The following PDE4D variants were observed in gnomAD, a reference collection of about 807,000 sequenced individuals.
PDE4D encodes the protein phosphodiesterase 4D, also known as 3',5'-cyclic-AMP phosphodiesterase 4D.
Under a neutral mutation model 87.4 loss-of-function variants are expected in PDE4D, and 24 were observed. The observed-to-expected ratio is 0.27, with a 90% CI of 0.20 to 0.39. PDE4D has a LOEUF of 0.39. Among genes scored for constraint, PDE4D ranks in the 10% least tolerant of loss-of-function variants. PDE4D has a pLI of 1.00. For missense variants in PDE4D, 714 were observed against 1,041.0 expected (o/e 0.69, Z 4.32); for synonymous variants, 384 against 383.2 (o/e 1.00, Z -0.02).
chr5:59,727,166 C>A (rs1756721719), intron 1 of PDE4D, among the ~76,000 whole-genome samples: 1 of 152,096 alleles, frequency 6.6e-6, no homozygotes, highest in Admixed American at 6.6e-5. Flanking sequence ...CCAACAATAG[C>A]CTCCTGACAT....
At chr5:60,177,826 C>T (rs1239379129) in intron 2 of PDE4D, among the ~76,000 whole-genome samples, 3 of 151,980 alleles carry the variant, frequency 2.0e-5, no homozygotes, top group Admixed American at 1.3e-4. Flanking sequence ...AGTCATGTAA[C>T]GGTAAGAATT....
At chr5:59,750,945 CAA>C (rs34787047) in intron 1 of PDE4D, among the ~76,000 whole-genome samples, 78 of 68,746 alleles carry the variant, frequency 1.1e-3, no homozygotes, top group East Asian at 4.8e-4. Context: ...GACCCTGTCT[CAA>C]AAAAAAAAAA....
intron 1 of PDE4D, among the ~76,000 whole-genome samples, chr5:60,357,131 G>A (rs1482662024): frequency 1.3e-5 from 2 of 151,380 alleles, no homozygotes; most frequent in Admixed American, 6.6e-5. Context: ...GGTACCAGGA[G>A]ACAGATGTGT....
At chr5:59,337,364 C>G (rs1232238894) in intron 1 of PDE4D, among the ~76,000 whole-genome samples, 1 of 130,732 alleles carries the variant, frequency 7.6e-6, no homozygotes, top group South Asian at 2.9e-4. Context: ...CACGGAGTCT[C>G]GCTGTCGCCC....
At chr5:59,944,041 A>T (rs1757466083) in intron 3 of PDE4D, among the ~76,000 whole-genome samples, 1 of 152,206 alleles carries the variant, frequency 6.6e-6, no homozygotes, top group Non-Finnish European at 1.5e-5. Flanking sequence ...ACCTATACCC[A>T]TGAGGCACAA....
At chr5:60,044,728 T>G (rs557986043) in intron 2 of PDE4D, among the ~76,000 whole-genome samples, 1 of 152,222 alleles carries the variant, frequency 6.6e-6, no homozygotes, top group Non-Finnish European at 1.5e-5. Context: ...TATTGCATGG[T>G]GTATATGTGC....
At chr5:59,790,422 C>T (rs1398620541) in intron 1 of PDE4D, among the ~76,000 whole-genome samples, 2 of 152,070 alleles carry the variant, frequency 1.3e-5, no homozygotes, top group African/African-American at 2.4e-5. Context: ...AATAAGTTGA[C>T]CTCAAAGATT....
intron 1 of PDE4D, among the ~76,000 whole-genome samples, chr5:60,239,760 C>T (rs1271956683): frequency 7.2e-5 from 11 of 152,042 alleles, no homozygotes; most frequent in South Asian, 2.1e-4. Context: ...AGGTAGTTTA[C>T]AGAATTTTCT....
rs74371583 is a variant in PDE4D, at chr5:60,352,102, G to A, written c.-90+135840C>T. ...TTACAGGTATGAGCCACAGTACTTG[G>A]CCTTTTTTATCTTTTTAAACTCCTA... On this transcript the variant is annotated intron_variant, in intron 1 of 16. Transcript: ENST00000502484. Among the ~76,000 whole-genome samples, 1,811 of 152,000 alleles carry A rather than the reference G, an allele frequency of 0.012. 59 individuals carry two copies. In the East Asian group the frequency reaches 0.13, roughly 11 times the overall value.
Position 60,107,227 on chromosome 5 carries a change from A to C in PDE4D, c.42+78330T>G, listed in dbSNP as rs368808195. 6.8e-3 allele frequency among the ~76,000 whole-genome samples: 1,042 copies of C among 152,194 alleles called. 14 individuals are homozygous for C. Among genetic ancestry groups the C allele is most frequent in the East Asian group, 0.049 (254 of 5,158 alleles). On this transcript the variant is annotated intron_variant, in intron 2 of 16. Transcript: ENST00000502484. ...AACTACCATTAGAGAATACTACAAA[A>C]ACCTCTACGCAAATAAACTAGAAAA...
At chr5:59,497,138 C>T (rs1210672183) in intron 1 of PDE4D, among the ~76,000 whole-genome samples, 1 of 152,132 alleles carries the variant, frequency 6.6e-6, no homozygotes, top group Admixed American at 6.6e-5. Flanking sequence ...ACATTTTACA[C>T]CACAGTCATA....
chr5:59,771,487 G>GAAAGAAAGAAAGAA (rs56311802), intron 1 of PDE4D, among the ~76,000 whole-genome samples: 26 of 58,086 alleles, frequency 4.5e-4, no homozygotes, highest in Non-Finnish European at 7.2e-4. Flanking sequence ...GAAAGAAAGA[G>GAAAGAAAGAAAGAA]AGAGAGAGAG....
intron 1 of PDE4D, among the ~76,000 whole-genome samples, chr5:59,565,481 T>C (rs1054243587): frequency 5.9e-5 from 9 of 152,156 alleles, no homozygotes; most frequent in African/African-American, 2.2e-4. Flanking sequence ...ACTGCACCAC[T>C]GTACTCCAGT....
At chr5:60,106,253 G>GACA (rs974685609) in intron 2 of PDE4D, among the ~76,000 whole-genome samples, 1 of 151,658 alleles carries the variant, frequency 6.6e-6, no homozygotes, top group African/African-American at 2.4e-5. Flanking sequence ...GATCAAAAGA[G>GACA]ACAAAGAAGG....
intron 2 of PDE4D, among the ~76,000 whole-genome samples, chr5:60,156,236 C>T (rs577643435): frequency 3.3e-5 from 5 of 152,252 alleles, no homozygotes; most frequent in African/African-American, 9.6e-5. Flanking sequence ...GTTTGTTTAT[C>T]GTGTTTGAAT....
chr5:60,221,464 T>C (rs1744489948), intron 1 of PDE4D, among the ~76,000 whole-genome samples: 2 of 152,184 alleles, frequency 1.3e-5, no homozygotes, highest in Admixed American at 1.3e-4. Flanking sequence ...TTGTCTTTCA[T>C]GTTCCTTGGA....
At chr5:59,442,380 G>A (rs1582626158) in intron 1 of PDE4D, among the ~76,000 whole-genome samples, 1 of 152,152 alleles carries the variant, frequency 6.6e-6, no homozygotes, top group South Asian at 2.1e-4. Context: ...GGACAAATCA[G>A]CAAGTTAACA....
intron 1 of PDE4D, among the ~76,000 whole-genome samples, chr5:59,724,057 A>G (rs995596035): frequency 5.3e-5 from 8 of 152,042 alleles, no homozygotes; most frequent in Admixed American, 2.6e-4. Context: ...AAAAGGAAAA[A>G]TTGAGGGATT....
At chr5:59,048,462 A>T (rs2153401828) in intron 5 of PDE4D, among the ~76,000 whole-genome samples, 1 of 152,246 alleles carries the variant, frequency 6.6e-6, no homozygotes, top group South Asian at 2.1e-4. Flanking sequence ...CCCAGCTCTA[A>T]CATTCATTTA....
Sources: gnomAD v4.1 joint callset for allele counts (sites outside exome capture counted in the v4.1 genomes callset) on GRCh38, gnomAD v4.1.1 for gene constraint, MANE v1.5 for transcripts, NCBI Gene and HGNC (gene_info 2026-07-23, HGNC 2026-07-21) for gene names.